Variants in NDUFV3 observed in about 807,000 individuals in gnomAD.
The protein encoded by NDUFV3 is NADH:ubiquinone oxidoreductase subunit V3.
Under a neutral mutation model 37.5 loss-of-function variants are expected in NDUFV3, and 44 were observed. The ratio of observed to expected loss-of-function variants is 1.17; its 90% CI spans 0.92 to 1.51. The LOEUF is 1.51. Among genes scored for constraint, NDUFV3 ranks in the 40% most tolerant of loss-of-function variants. NDUFV3 has a pLI of 0.00. For missense variants in NDUFV3, 580 were observed against 580.4 expected, an observed-to-expected ratio of 1.00 and a Z score of 0.01; for synonymous variants, 235 against 239.3, an observed-to-expected ratio of 0.98 and a Z score of 0.17.
At chr21:42,901,898 G>A (rs1439904585) in intron 2 of NDUFV3, among the ~76,000 whole-genome samples, 2 of 152,170 alleles carry the variant, frequency 1.3e-5, no homozygotes, top group Non-Finnish European at 2.9e-5. Flanking sequence ...GAAAATTCTT[G>A]ATTCTCATGT....
chr21:42,898,264 T>C (rs945727804), intron 2 of NDUFV3, among the ~76,000 whole-genome samples: 1 of 152,216 alleles, frequency 6.6e-6, no homozygotes, highest in South Asian at 2.1e-4. Context: ...TCAATCATTG[T>C]TTTTTTCTCT....
At position 42,904,222 on chromosome 21, in the gene NDUFV3, G is replaced by A. The variant is rs1353870195; in HGVS notation, c.1210G>A (p.Gly404Ser). The A allele has an allele frequency of 1.2e-6, 2 of 1,613,370 alleles. No homozygotes were observed. The highest frequency in any genetic ancestry group is 1.7e-6 in the Non-Finnish European group (2 of 1,179,686). Residue 404 changes from glycine to serine, a missense_variant, in exon 3 of 4, where the codon GGC becomes AGC. Transcript: ENST00000354250. Reference sequence around the variant, plus strand: ...AGCAGCGCTGAAGCTTGAGGCCGAGGGCGAGGCCATGGAAGATGCAGCCGC... The same window carrying A: ...AGCAGCGCTGAAGCTTGAGGCCGAGAGCGAGGCCATGGAAGATGCAGCCGC... ...KTAALKLEAE[G>S]EAMEDAAAPG...
At chr21:42,904,576 C>A (rs958913832) in intron 3 of NDUFV3, among the ~76,000 whole-genome samples, 13 of 150,398 alleles carry the variant, frequency 8.6e-5, no homozygotes, top group African/African-American at 3.2e-4. Flanking sequence ...CTACAACTTC[C>A]ATCTCAAGCA....
chr21:42,902,222 GATAA>G (rs1275018799), intron 2 of NDUFV3, among the ~76,000 whole-genome samples: 2 of 151,778 alleles, frequency 1.3e-5, no homozygotes, highest in Non-Finnish European at 2.9e-5. Context: ...AGAAGAATTA[GATAA>G]ATAAATAAAT....
rs2058665358 is a variant in NDUFV3 at position 42,893,322 on chromosome 21, G to A, written c.-12G>A. The stretch of plus-strand genomic sequence containing the variant: ...TGCTGTGGCCCTGCTTGGTGCGCCC[G>A]CTGTCACCGCCATGGCTGCCCCGTG... On this transcript the variant is annotated 5_prime_UTR_variant, in exon 1 of 4. Transcript: ENST00000354250. 6.5e-7 allele frequency: 1 copy of A among 1,537,768 alleles called. No individual in the cohort carries two copies.
chr21:42,904,790 C>T (rs2058734480), intron 3 of NDUFV3, among the ~76,000 whole-genome samples: 1 of 146,192 alleles, frequency 6.8e-6, no homozygotes. Flanking sequence ...CCTGCTTAAC[C>T]TTCATCTTTT....
Position 42,910,517 on chromosome 21 carries a change from A to T in NDUFV3, c.*1496A>T, listed in dbSNP as rs1422595280. On this transcript the variant is annotated 3_prime_UTR_variant, in exon 4 of 4. Transcript: ENST00000354250. ...TCTTGCAGTACAGGGACGAAGTAGG[A>T]AGAGGTGAAGTTTCGTGCAGTACAG... 1 of 142,634 alleles carries T rather than the reference A, an allele frequency of 7.0e-6. No individual in the cohort carries two copies. The highest frequency in any genetic ancestry group is 1.6e-5 in the Non-Finnish European group (1 of 62,782). The allele number at this position is 142,634 out of a possible 1,614,324, so 8.8% of individuals were successfully genotyped here. A position where few individuals can be genotyped will look rare whatever the true frequency, so the allele number is the denominator to read the frequency against.
rs1424714512 is a variant in NDUFV3, at chr21:42,909,228, G to A, written c.*207G>A. On this transcript the variant is annotated 3_prime_UTR_variant, in exon 4 of 4. Transcript: ENST00000354250. The stretch of plus-strand genomic sequence containing the variant: ...ACATTCTCGGCTCACTGCAACTTCC[G>A]CCTCCTGGGTTCAAGTGATTCTCCC... 18 of 485,522 alleles carry A rather than the reference G, an allele frequency of 3.7e-5. 1 individual carries two copies. Among genetic ancestry groups the A allele is most frequent in the East Asian group, 3.5e-4 (8 of 23,004 alleles). The allele number at this position is 485,522 out of a possible 1,614,324, so 30.1% of individuals were successfully genotyped here. A position where few individuals can be genotyped will look rare whatever the true frequency, so the allele number is the denominator to read the frequency against.
intron 2 of NDUFV3, among the ~76,000 whole-genome samples, chr21:42,897,733 G>A (rs185770851): frequency 4.4e-4 from 66 of 151,174 alleles, no homozygotes; most frequent in African/African-American, 1.4e-3. Flanking sequence ...CTGGAGTGCA[G>A]TGGCGCAATC....
At chr21:42,894,634 C>T (rs1215305915) in intron 1 of NDUFV3, among the ~76,000 whole-genome samples, 1 of 140,822 alleles carries the variant, frequency 7.1e-6, no homozygotes, top group African/African-American at 2.7e-5. Flanking sequence ...TCTCAACTCC[C>T]TGCAACTTCT....
intron 2 of NDUFV3, 83 bp from the exon 3 acceptor site, chr21:42,903,099 T>A (rs2058723735): frequency 6.5e-7 from 1 of 1,543,188 alleles, no homozygotes; most frequent in South Asian, 1.1e-5. Flanking sequence ...CAGTAATAAG[T>A]AATGTGTCAT....
In NDUFV3 at chr21:42,912,308, C is replaced by T. The variant is rs775869194; in HGVS notation, c.*3287C>T. 1 of 152,188 alleles carries T rather than the reference C, an allele frequency of 6.6e-6. No homozygotes were observed. The highest frequency in any genetic ancestry group is 2.4e-5 in the African/African-American group (1 of 41,424). The allele number at this position is 152,188 out of a possible 1,614,324, so 9.4% of individuals were successfully genotyped here. A position where few individuals can be genotyped will look rare whatever the true frequency, so the allele number is the denominator to read the frequency against. ...AGTCTTTCTGGGATTTTGGTTTACT[C>T]TCCTCCACCCATTGGAAGGGCTTAA... On this transcript the variant is annotated 3_prime_UTR_variant, in exon 4 of 4. Coordinates refer to ENST00000354250, the MANE Select transcript of NDUFV3 (RefSeq NM_021075.4).
intron 2 of NDUFV3, among the ~76,000 whole-genome samples, chr21:42,900,521 A>G (rs1049967621): frequency 6.6e-6 from 1 of 152,166 alleles, no homozygotes; most frequent in Non-Finnish European, 1.5e-5. Flanking sequence ...CAAACAAAAA[A>G]TCCCTGTACA....
intron 3 of NDUFV3, among the ~76,000 whole-genome samples, chr21:42,907,090 T>C (rs2058745278): frequency 6.6e-6 from 1 of 152,222 alleles, no homozygotes; most frequent in Non-Finnish European, 1.5e-5. Context: ...AATATCAGCC[T>C]GTGTTCCCGT....
Position 42,903,883 on chromosome 21 carries a change from T to C in NDUFV3, c.871T>C (p.Leu291=), listed in dbSNP as rs762212465. Residue 291 remains leucine, a synonymous_variant, in exon 3 of 4, where the codon TTA becomes CTA. Coordinates refer to ENST00000354250, the MANE Select transcript of NDUFV3 (RefSeq NM_021075.4). The part of the protein sequence containing the change: ...SQKPFEVKGP[L]PVHTKSGLSA... ...AAAGCCATTTGAAGTTAAAGGACCCTTACCTGTCCACACAAAATCAGGGTT... is the reference window on the plus strand; with the variant it reads ...AAAGCCATTTGAAGTTAAAGGACCCCTACCTGTCCACACAAAATCAGGGTT... 6.2e-7 allele frequency: 1 copy of C among 1,611,998 alleles called. No individual in the cohort carries two copies. Among genetic ancestry groups the C allele is most frequent in the Admixed American group, 1.7e-5 (1 of 59,490 alleles).
intron 1 of NDUFV3, among the ~76,000 whole-genome samples, chr21:42,894,512 TATATATTATATATAATATATATCATA>T: frequency 1.0e-5 from 1 of 95,406 alleles, no homozygotes; most frequent in East Asian, 2.3e-4. Flanking sequence ...AATATATATT[TATATATTATATATAATATATATCATA>T]ATATAATATA....
At chr21:42,906,903 A>G (rs73905782) in intron 3 of NDUFV3, 37,989 of 518,336 alleles carry the variant, frequency 0.073, 1,618 homozygotes, top group East Asian at 0.14. Context: ...AGCTCTTTAA[A>G]TGAGACATCG....
At chr21:42,908,707 G>T (rs550942193) in intron 3 of NDUFV3, among the ~76,000 whole-genome samples, 157 bp from the exon 4 acceptor site, 5 of 147,950 alleles carry the variant, frequency 3.4e-5, no homozygotes, top group Non-Finnish European at 3.0e-5. Flanking sequence ...ATGCTTGGTA[G>T]GTAAGCGCCT....
chr21:42,899,811 C>T (rs59334910), intron 2 of NDUFV3, among the ~76,000 whole-genome samples: 9,662 of 149,742 alleles, frequency 0.065, 353 homozygotes, highest in East Asian at 0.13. Flanking sequence ...AACTCCCGAC[C>T]TCAGATGATC....
Sources: allele counts gnomAD v4.1 joint callset (sites outside exome capture counted in the v4.1 genomes callset), GRCh38; gene constraint gnomAD v4.1.1; transcripts MANE v1.5; gene names NCBI Gene and HGNC (gene_info 2026-07-23, HGNC 2026-07-21).